CYLD: variants seen among roughly 807,000 people sequenced by gnomAD.
CYLD encodes CYLD lysine 63 deubiquitinase, also known as ubiquitin carboxyl-terminal hydrolase CYLD.
In CYLD, 26 loss-of-function variants were observed where a neutral mutation model predicts 104.5. That is an observed-to-expected ratio of 0.25 (90% CI 0.18 to 0.35). The LOEUF is 0.35. Ranked by LOEUF, CYLD falls within the 10% of genes least tolerant of loss-of-function variation. The probability of loss-of-function intolerance (pLI) is 1.00; values close to 1 mark genes in which losing one functional copy is unlikely to be tolerated. For synonymous variants in CYLD, 385 were observed against 399.9 expected (o/e 0.96, Z 0.45); for missense variants, 703 against 1,136.1 (o/e 0.62, Z 5.48).
intron 2 of CYLD, among the ~76,000 whole-genome samples, chr16:50,743,625 A>G (rs1052550914): frequency 6.6e-6 from 1 of 152,178 alleles, no homozygotes; most frequent in Admixed American, 6.5e-5. Context: ...GAGAGAAAGG[A>G]ATAGTTATGT....
intron 2 of CYLD, among the ~76,000 whole-genome samples, chr16:50,744,225 G>A (rs1965981390): frequency 6.6e-6 from 1 of 151,770 alleles, no homozygotes. Flanking sequence ...AATCCCACTT[G>A]TATTAGGGAC....
intron 2 of CYLD, among the ~76,000 whole-genome samples, chr16:50,746,730 C>A (rs1966225356): frequency 1.3e-5 from 2 of 151,970 alleles, no homozygotes; most frequent in African/African-American, 4.8e-5. Flanking sequence ...GCAGTTATAT[C>A]AATTTTTACT....
Position 50,749,908 on chromosome 16 carries a change from T to C in CYLD, c.210T>C (p.Ile70=). ...CTGCAAAAGGCAAGAAAAATCAGATTGGATTAAAAATTCTAGAGCAACCTC... is the reference window on the plus strand; with the variant it reads ...CTGCAAAAGGCAAGAAAAATCAGATCGGATTAAAAATTCTAGAGCAACCTC... The part of the protein sequence containing the change: ...IPSAKGKKNQ[I]GLKILEQPHA... The change falls in exon 3 of 19, where the codon ATT becomes ATC. Residue 70 remains isoleucine, a synonymous_variant. Transcript: ENST00000427738. 6.2e-7 allele frequency: 1 copy of C among 1,614,130 alleles called. No homozygotes were observed. The highest frequency in any genetic ancestry group is 8.5e-7 in the Non-Finnish European group (1 of 1,180,006).
At position 50,786,958 on chromosome 16, in the gene CYLD, A is replaced by C. The variant is rs777582064; in HGVS notation, c.2041+12A>C. ...CTCTGAAGAAAAAGGTGACCATCTTAACTTATATGCGTTAAAAATAACTGA... is the reference window on the plus strand; with the variant it reads ...CTCTGAAGAAAAAGGTGACCATCTTCACTTATATGCGTTAAAAATAACTGA... On this transcript the variant is annotated intron_variant, in intron 13 of 18. Transcript: ENST00000427738. The C allele has an allele frequency of 3.4e-5, 55 of 1,596,212 alleles. No homozygotes were observed. The highest frequency in any genetic ancestry group is 4.5e-5 in the Non-Finnish European group (52 of 1,163,798).
At chr16:50,748,140 C>T (rs1271198852) in intron 2 of CYLD, among the ~76,000 whole-genome samples, 1 of 151,906 alleles carries the variant, frequency 6.6e-6, no homozygotes, top group African/African-American at 2.4e-5. Context: ...GCAGCCATTA[C>T]CCAGAATAAT....
rs1278375098 is a variant in CYLD at position 50,786,423 on chromosome 16, A to G, written c.1950-432A>G. ...AAGCTTATCATTGTTTTCTTCAAAAATAATTGTCTAACCTATTGATTTATG... is the reference window on the plus strand; with the variant it reads ...AAGCTTATCATTGTTTTCTTCAAAAGTAATTGTCTAACCTATTGATTTATG... On this transcript the variant is annotated intron_variant, in intron 12 of 18. Transcript: ENST00000427738. The G allele has an allele frequency of 2.5e-5, 4 of 162,726 alleles. No individual in the cohort carries two copies. In the East Asian group the frequency reaches 6.9e-4, roughly 28 times the overall value. The allele number at this position is 162,726 out of a possible 1,614,324, so 10.1% of individuals were successfully genotyped here.
Position 50,799,272 on chromosome 16 carries a change from C to T in CYLD, c.*2764C>T. On this transcript the variant is annotated 3_prime_UTR_variant, in exon 19 of 19. Coordinates refer to ENST00000427738, the MANE Select transcript of CYLD (RefSeq NM_001378743.1). ...AGTAGAAAATATGTCATGTTCCTCA[C>T]CTCCAAATAAATATGTGTGTGTCTG... The T allele has an allele frequency of 4.3e-6, 1 of 233,266 alleles. No individual in the cohort carries two copies. The highest frequency in any genetic ancestry group is 8.5e-6 in the Non-Finnish European group (1 of 118,014). The allele number at this position is 233,266 out of a possible 1,614,324, so 14.4% of individuals were successfully genotyped here. A position where few individuals can be genotyped will look rare whatever the true frequency, so the allele number is the denominator to read the frequency against.
rs377384590 is a variant in CYLD at position 50,791,730 on chromosome 16, G to T, written c.2241+40G>T. 5 of 1,608,494 alleles carry T rather than the reference G, an allele frequency of 3.1e-6. No individual in the cohort carries two copies. In the South Asian group the frequency reaches 5.5e-5, roughly 18 times the overall value. On this transcript the variant is annotated intron_variant, in intron 15 of 18. Coordinates refer to ENST00000427738, the MANE Select transcript of CYLD (RefSeq NM_001378743.1). ...CCTGTGGTATTTTATGTGAAAGTCTGTGGGAGTCTTAAGACTATTGGTAGT... is the reference window on the plus strand; with the variant it reads ...CCTGTGGTATTTTATGTGAAAGTCTTTGGGAGTCTTAAGACTATTGGTAGT...
intron 12 of CYLD, chr16:50,786,522 G>GGTCGAGGT (rs144289265): frequency 2.9e-5 from 7 of 244,250 alleles, no homozygotes; most frequent in Non-Finnish European, 5.7e-5. Flanking sequence ...CACTTTGGGA[G>GGTCGAGGT]GCCGAGGTGG....
chr16:50,750,647 A>ATG, intron 3 of CYLD, among the ~76,000 whole-genome samples: 1 of 152,330 alleles, frequency 6.6e-6, no homozygotes, highest in East Asian at 1.9e-4. Flanking sequence ...ACTATGTACT[A>ATG]TGGTAGGAAC....
At chr16:50,768,052 A>G (rs1451492245) in intron 5 of CYLD, among the ~76,000 whole-genome samples, 1 of 152,186 alleles carries the variant, frequency 6.6e-6, no homozygotes, top group Non-Finnish European at 1.5e-5. Flanking sequence ...GCACACTTTG[A>G]TCTTCTAAAT....
chr16:50,748,605 A>C (rs1038627719), intron 2 of CYLD, among the ~76,000 whole-genome samples: 17 of 152,232 alleles, frequency 1.1e-4, no homozygotes, highest in African/African-American at 4.1e-4. Context: ...TAATAGAAAG[A>C]AATTATAATG....
intron 2 of CYLD, among the ~76,000 whole-genome samples, chr16:50,745,345 T>C (rs1966086781): frequency 6.6e-6 from 1 of 150,886 alleles, no homozygotes; most frequent in Non-Finnish European, 1.5e-5. Context: ...TTTGTGTGTG[T>C]TCTCTCTTTC....
intron 2 of CYLD, among the ~76,000 whole-genome samples, chr16:50,745,428 T>C (rs1548990): frequency 0.57 from 82,887 of 145,912 alleles, 24,656 homozygotes; most frequent in African/African-American, 0.75. Context: ...AGTACAGTGG[T>C]GTGATCATAG....
intron 5 of CYLD, among the ~76,000 whole-genome samples, chr16:50,762,755 G>A (rs1351265994): frequency 1.3e-5 from 2 of 151,846 alleles, no homozygotes; most frequent in African/African-American, 4.8e-5. Flanking sequence ...TTTCCTTTTG[G>A]TAAAATTTTA....
intron 14 of CYLD, 24 bp from the exon 15 acceptor site, chr16:50,791,534 A>AT (rs1567457286): frequency 2.5e-6 from 4 of 1,613,080 alleles, no homozygotes; most frequent in East Asian, 2.2e-5. Flanking sequence ...GGTTGTATGT[A>AT]TTTTTTTCTC....
At chr16:50,784,063 G>A (rs1382633526) in intron 11 of CYLD, 2 of 388,146 alleles carry the variant, frequency 5.2e-6, no homozygotes, top group Non-Finnish European at 9.7e-6. Context: ...CTGTTGGCAC[G>A]TTGTTATCCT....
At chr16:50,780,596 G>A (rs1469552573) in intron 9 of CYLD, among the ~76,000 whole-genome samples, 1 of 152,186 alleles carries the variant, frequency 6.6e-6, no homozygotes, top group Non-Finnish European at 1.5e-5. Flanking sequence ...AGGGCTCACT[G>A]CAGCCTCGAC....
In CYLD at chr16:50,800,787, G is replaced by T. The variant is rs1219802882; in HGVS notation, c.*4279G>T. ...CTTTTTAAAGTAGGTAGGCTATAAGGCCTGTAATTTAAAATAATACTCCTT... is the reference window on the plus strand; with the variant it reads ...CTTTTTAAAGTAGGTAGGCTATAAGTCCTGTAATTTAAAATAATACTCCTT... On this transcript the variant is annotated 3_prime_UTR_variant, in exon 19 of 19. Coordinates refer to ENST00000427738, the MANE Select transcript of CYLD (RefSeq NM_001378743.1). 1.3e-5 allele frequency: 3 copies of T among 233,152 alleles called. No individual in the cohort carries two copies. The highest frequency in any genetic ancestry group is 2.5e-5 in the Non-Finnish European group (3 of 117,986). 14.4% of individuals were successfully genotyped at this position (233,152 alleles called of 1,614,324 possible). A position where few individuals can be genotyped will look rare whatever the true frequency, so the allele number is the denominator to read the frequency against.
Sources: allele counts gnomAD v4.1 joint callset (sites outside exome capture counted in the v4.1 genomes callset), GRCh38; gene constraint gnomAD v4.1.1; transcripts MANE v1.5; gene names NCBI Gene and HGNC (gene_info 2026-07-23, HGNC 2026-07-21).